SLC4A5: variants seen among roughly 807,000 people sequenced by gnomAD.
SLC4A5 encodes the protein solute carrier family 4 member 5.
In SLC4A5, 96 loss-of-function variants were observed where a neutral mutation model predicts 120.4. The ratio of observed to expected loss-of-function variants is 0.80; its 90% CI spans 0.68 to 0.94. The LOEUF is 0.94. SLC4A5 is among the 40% of genes least tolerant of loss of function. The pLI, the probability that SLC4A5 is intolerant of heterozygous loss-of-function variation, is 0.00. For missense variants in SLC4A5, 1,259 were observed against 1,459.5 expected (o/e 0.86, Z 2.24); for synonymous variants, 550 against 571.1 (o/e 0.96, Z 0.53).
At chr2:74,316,566 T>C (rs1672971896) in intron 5 of SLC4A5, among the ~76,000 whole-genome samples, 1 of 152,158 alleles carries the variant, frequency 6.6e-6, no homozygotes, top group Non-Finnish European at 1.5e-5. Context: ...GAACAGACCC[T>C]TTATGGCAAT....
exon 31 of SLC4A5, chr2:74,217,313 T>G (rs1694475162): frequency 6.6e-6 from 1 of 152,226 alleles, no homozygotes; most frequent in African/African-American, 2.4e-5. Context: ...TAAATCAACA[T>G]GGTTGGTGTT....
At chr2:74,242,084 C>T (rs764597546) in intron 19 of SLC4A5, 32 bp from the exon 20 acceptor site, 1 of 1,592,746 alleles carries the variant, frequency 6.3e-7, no homozygotes, top group Non-Finnish European at 8.6e-7. Flanking sequence ...GGGGCAGGGT[C>T]AGCAGCTGTG....
intron 30 of SLC4A5, among the ~76,000 whole-genome samples, chr2:74,220,989 C>T (rs1198437921): frequency 6.6e-6 from 1 of 151,102 alleles, no homozygotes; most frequent in South Asian, 2.1e-4. Context: ...TACAGGCCCC[C>T]ACCACCATGC....
intron 20 of SLC4A5, among the ~76,000 whole-genome samples, chr2:74,241,762 CAA>C (rs1303174944): frequency 6.8e-6 from 1 of 146,010 alleles, no homozygotes; most frequent in Non-Finnish European, 1.5e-5. Context: ...AAAAAACGCA[CAA>C]AAAAACATGG....
chr2:74,220,364 A>G (rs1383633632), intron 30 of SLC4A5, among the ~76,000 whole-genome samples: 1 of 151,982 alleles, frequency 6.6e-6, no homozygotes, highest in Non-Finnish European at 1.5e-5. Flanking sequence ...TTGATCTCTG[A>G]TGTTGGCTTT....
At chr2:74,331,348 G>C (rs1394040772) in intron 4 of SLC4A5, among the ~76,000 whole-genome samples, 1 of 151,790 alleles carries the variant, frequency 6.6e-6, no homozygotes, top group Admixed American at 6.6e-5. Context: ...TATAGGTGAG[G>C]GTAGTGAGGT....
Position 74,255,667 on chromosome 2 carries a change from G to A in SLC4A5, c.1025+108C>T, listed in dbSNP as rs748590639. The stretch of plus-strand genomic sequence containing the variant: ...GATTTCCCTTCCCAGCAGCCTCCAC[G>A]TTTAGAGGTGCCTTTGAGAACACTA... On this transcript the variant is annotated intron_variant, in intron 13 of 30. Coordinates refer to ENST00000394019, the Ensembl canonical transcript of SLC4A5. The surrounding 1 kb of genome is among the most constrained non-coding windows in gnomAD (Gnocchi z 4.0). 9.9e-6 allele frequency: 13 copies of A among 1,309,864 alleles called. No homozygotes were observed. The highest frequency in any genetic ancestry group is 8.9e-5 in the Admixed American group (4 of 45,168). 81.1% of individuals were successfully genotyped at this position (1,309,864 alleles called of 1,614,324 possible).
intron 23 of SLC4A5, 111 bp from the exon 24 acceptor site, chr2:74,232,758 G>A: frequency 1.5e-6 from 2 of 1,357,748 alleles, no homozygotes; most frequent in South Asian, 2.6e-5. Context: ...AGAAGATACT[G>A]AAGGGGCCTG....
chr2:74,222,162 AG>A (rs1428655691), intron 29 of SLC4A5, among the ~76,000 whole-genome samples: 1 of 152,156 alleles, frequency 6.6e-6, no homozygotes, highest in Non-Finnish European at 1.5e-5. Context: ...TAAAGGGAAA[AG>A]CTTGGTTCTG....
At chr2:74,226,825 C>T (rs1694855723) in intron 27 of SLC4A5, 132 bp downstream of exon 27, 1 of 1,043,434 alleles carries the variant, frequency 9.6e-7, no homozygotes, top group South Asian at 1.5e-5. Context: ...CTGTGCCAGC[C>T]TCCGTGACCC....
intron 8 of SLC4A5, among the ~76,000 whole-genome samples, chr2:74,271,710 A>G (rs1485251038): frequency 6.6e-6 from 1 of 151,588 alleles, no homozygotes; most frequent in African/African-American, 2.4e-5. Context: ...GCTTGAGGGT[A>G]GCAAGACCTC....
chr2:74,269,496 G>C (rs1465870197), intron 8 of SLC4A5, among the ~76,000 whole-genome samples: 1 of 152,172 alleles, frequency 6.6e-6, no homozygotes, highest in Admixed American at 6.5e-5. Flanking sequence ...GCCTCTAAAA[G>C]TGCTGGGATT....
chr2:74,311,797 C>T (rs1672812673), intron 6 of SLC4A5, among the ~76,000 whole-genome samples: 1 of 152,108 alleles, frequency 6.6e-6, no homozygotes, highest in Non-Finnish European at 1.5e-5. Flanking sequence ...ACGAAGTATT[C>T]TATAAATGTC....
At chr2:74,227,120 C>T (rs766904370) in exon 27 of SLC4A5, 7 of 1,611,758 alleles carry the variant, frequency 4.3e-6, no homozygotes, top group East Asian at 4.5e-5. Context: ...GAGCTTGCAG[C>T]GTTCCCAGAA....
At chr2:74,307,710 A>G (rs1672689185) in intron 6 of SLC4A5, 1 of 825,728 alleles carries the variant, frequency 1.2e-6, no homozygotes, top group Non-Finnish European at 2.0e-6. Context: ...ATCAGTCTCC[A>G]GGCTCCTCAC....
At chr2:74,336,682 C>T (rs1263827796) in intron 3 of SLC4A5, among the ~76,000 whole-genome samples, 2 of 152,126 alleles carry the variant, frequency 1.3e-5, no homozygotes, top group Non-Finnish European at 2.9e-5. Flanking sequence ...CTGCCCTGGC[C>T]TGGGGGATGG....
chr2:74,311,929 T>A (rs764630849), intron 6 of SLC4A5, among the ~76,000 whole-genome samples: 3 of 152,254 alleles, frequency 2.0e-5, no homozygotes, highest in Non-Finnish European at 2.9e-5. Flanking sequence ...ATCACTGATT[T>A]GTCTGTTCGT....
intron 20 of SLC4A5, among the ~76,000 whole-genome samples, chr2:74,240,728 C>T (rs1358970776): frequency 2.0e-5 from 3 of 151,488 alleles, no homozygotes; most frequent in Non-Finnish European, 2.9e-5. Context: ...TACGATCACA[C>T]CACTACATTC....
At position 74,239,412 on chromosome 2, in the gene SLC4A5, AG is replaced by A. The variant is rs747576794; in HGVS notation, c.2241del (p.Phe748SerfsTer10). 3 of 1,614,112 alleles carry A rather than the reference AG, an allele frequency of 1.9e-6. No homozygotes were observed. In the African/African-American group the frequency reaches 4.0e-5, roughly 22 times the overall value. The stretch of plus-strand genomic sequence containing the variant: ...GAGTATGTCCCAAAGAAAAGGATGA[AG>A]GACATGAGCGCCAGGTCTGGGATAA... On this transcript the variant is annotated frameshift_variant, in exon 21 of 31. Transcript: ENST00000394019. LOFTEE classifies it high-confidence loss of function.
Sources: gnomAD v4.1 joint callset for allele counts (sites outside exome capture counted in the v4.1 genomes callset) on GRCh38, gnomAD v4.1.1 for gene constraint, Gnocchi (gnomAD v3.1) non-coding constraint, MANE v1.5 for transcripts, NCBI Gene and HGNC (gene_info 2026-07-23, HGNC 2026-07-21) for gene names.